Variants in APCDD1L observed in about 807,000 individuals in gnomAD.
APCDD1L encodes the protein protein APCDD1-like.
A neutral mutation model predicts 24.2 loss-of-function variants in APCDD1L; 21 were observed. The observed-to-expected ratio is 0.87, with a 90% CI of 0.61 to 1.25. The LOEUF (loss-of-function observed/expected upper bound fraction) is 1.25. Ranked by LOEUF, APCDD1L falls within the 50% of genes most tolerant of loss-of-function variation. The pLI is 0.00. For missense variants in APCDD1L, 704 were observed against 711.7 expected (o/e 0.99, Z 0.12); for synonymous variants, 321 against 323.6 (o/e 0.99, Z 0.09).
At chr20:58,481,295 G>A (rs1990019639) in intron 1 of APCDD1L, among the ~76,000 whole-genome samples, 1 of 152,216 alleles carries the variant, frequency 6.6e-6, no homozygotes, top group African/African-American at 2.4e-5. Context: ...TTGTTCTATA[G>A]AACAGGACTT....
rs555541133 is a variant in APCDD1L, at chr20:58,472,074, C to T, written c.50-1327G>A. ...AGCTGAGGGCCCCCCACTGCCCCCG[C>T]GGAGCTGCCTGACCCCAAACTCTCT... On this transcript the variant is annotated intron_variant, in intron 1 of 3. Transcript: ENST00000371149. Among the ~76,000 whole-genome samples the T allele has an allele frequency of 1.9e-3, 283 of 152,310 alleles. 4 individuals are homozygous for T. The highest frequency in any genetic ancestry group is 0.013 in the South Asian group (63 of 4,822).
chr20:58,510,782 C>T (rs1990612585), intron 1 of APCDD1L, among the ~76,000 whole-genome samples: 1 of 152,142 alleles, frequency 6.6e-6, no homozygotes, highest in Admixed American at 6.5e-5. Context: ...GGAGCCTGGA[C>T]CTGCATGGTG....
intron 1 of APCDD1L, among the ~76,000 whole-genome samples, chr20:58,511,910 A>G (rs2123200033): frequency 6.6e-6 from 1 of 152,330 alleles, no homozygotes; most frequent in East Asian, 1.9e-4. Context: ...GAAAAAAAAA[A>G]TACAAGTTCG....
rs143901670 is a variant in APCDD1L, at chr20:58,488,535, T to C, written c.50-17788A>G. On this transcript the variant is annotated intron_variant, in intron 1 of 3. Transcript: ENST00000371149. ...ATACAGGCTACAGTTCTGATTACAA[T>C]GCAAAGAAATTAAAAGCCAGTAATA... Among the ~76,000 whole-genome samples the C allele has an allele frequency of 1.3e-3, 204 of 152,330 alleles. 2 individuals carry two copies. The East Asian group carries it at 0.027, about 20-fold the overall frequency.
chr20:58,495,257 C>G (rs75010117), intron 1 of APCDD1L, among the ~76,000 whole-genome samples: 1 of 152,162 alleles, frequency 6.6e-6, no homozygotes, highest in Admixed American at 6.5e-5. Context: ...TGAAAATACA[C>G]GGCCCCTTGT....
At position 58,494,817 on chromosome 20, in the gene APCDD1L, G is replaced by A. The variant is rs781485599; in HGVS notation, c.49+19842C>T. Among the ~76,000 whole-genome samples the A allele has an allele frequency of 6.6e-5, 10 of 152,240 alleles. No individual in the cohort carries two copies. Among genetic ancestry groups the A allele is most frequent in the East Asian group, 5.8e-4 (3 of 5,180 alleles). Reference sequence around the variant, plus strand: ...TCCTGGCATTCTGCACCCACTGAGCGCCTGGCAGTCCCTTGGCCACACCCC... The same window carrying A: ...TCCTGGCATTCTGCACCCACTGAGCACCTGGCAGTCCCTTGGCCACACCCC... On this transcript the variant is annotated intron_variant, in intron 1 of 3. Coordinates refer to ENST00000371149, the MANE Select transcript of APCDD1L (RefSeq NM_153360.3). This position sits in a 1 kb window ranked among gnomAD's most constrained non-coding sequence, Gnocchi z 4.8.
At chr20:58,489,701 A>G (rs1002624710) in intron 1 of APCDD1L, among the ~76,000 whole-genome samples, 1 of 151,400 alleles carries the variant, frequency 6.6e-6, no homozygotes, top group African/African-American at 2.4e-5. Context: ...AAAAAAAAAG[A>G]AAAGAACAAA....
At chr20:58,468,565 T>C (rs1165995259) in intron 2 of APCDD1L, among the ~76,000 whole-genome samples, 5 of 152,150 alleles carry the variant, frequency 3.3e-5, no homozygotes, top group Non-Finnish European at 7.4e-5. Context: ...CTTGTACTGC[T>C]ATTTTCTTTC....
At chr20:58,514,068 G>T (rs62204202) in intron 1 of APCDD1L, 71,135 of 794,988 alleles carry the variant, frequency 0.089, 3,609 homozygotes, top group Middle Eastern at 0.11. Context: ...AGCCACCAGG[G>T]AACCCCTTAG....
chr20:58,501,906 TC>T (rs1158237828), intron 1 of APCDD1L, among the ~76,000 whole-genome samples: 1 of 152,218 alleles, frequency 6.6e-6, no homozygotes, highest in African/African-American at 2.4e-5. Context: ...TGACTTTCCT[TC>T]AGTTGGTTCC....
At chr20:58,470,865 A>T in intron 1 of APCDD1L, 118 bp from the exon 2 acceptor site, 1 of 1,380,006 alleles carries the variant, frequency 7.2e-7, no homozygotes, top group Non-Finnish European at 9.5e-7. Context: ...CGCAACCTCC[A>T]TCGCAGCCCC....
intron 3 of APCDD1L, among the ~76,000 whole-genome samples, chr20:58,463,257 G>A (rs978911784): frequency 6.6e-5 from 10 of 152,062 alleles, no homozygotes; most frequent in Non-Finnish European, 1.2e-4. Flanking sequence ...GTTCATTGTC[G>A]TGTTATTTGT....
At chr20:58,507,939 C>T (rs1990551995) in intron 1 of APCDD1L, among the ~76,000 whole-genome samples, 2 of 152,216 alleles carry the variant, frequency 1.3e-5, no homozygotes, top group African/African-American at 4.8e-5. Flanking sequence ...ATCAAAACCA[C>T]CAAGCATTGC....
chr20:58,471,891 G>A (rs567324842), intron 1 of APCDD1L, among the ~76,000 whole-genome samples: 12 of 152,304 alleles, frequency 7.9e-5, no homozygotes, highest in Non-Finnish European at 1.3e-4. Context: ...GTCAGGAGGG[G>A]CTGAGTCTTA....
chr20:58,487,464 G>A (rs538349271), intron 1 of APCDD1L, among the ~76,000 whole-genome samples: 24 of 149,706 alleles, frequency 1.6e-4, no homozygotes, highest in South Asian at 6.4e-4. Flanking sequence ...TAGTTTGTGG[G>A]AAATAAAACA....
rs140187713 is a variant in APCDD1L, at chr20:58,470,708, C to T, written c.89G>A (p.Cys30Tyr). Residue 30 changes from cysteine (C) to tyrosine (Y), a missense_variant, in exon 2 of 4, where the codon TGC becomes TAC. Physicochemically the swap from Cys to Tyr is radical, Grantham distance 194. Coordinates refer to ENST00000371149, the MANE Select transcript of APCDD1L (RefSeq NM_153360.3). ...CTGGCAGTGGGGTTCCCAGCGCAGGCAGCTGCCCCCGGCCTCCCCAGCCGC... is the reference window on the plus strand; with the variant it reads ...CTGGCAGTGGGGTTCCCAGCGCAGGTAGCTGCCCCCGGCCTCCCCAGCCGC... ...APAAGEAGGS[C>Y]LRWEPHCQQP... 387 of 1,546,350 alleles carry T rather than the reference C, an allele frequency of 2.5e-4. 1 individual carries two copies. In the African/African-American group the frequency reaches 4.9e-3, roughly 19 times the overall value.
chr20:58,480,302 C>T (rs188741890), intron 1 of APCDD1L, among the ~76,000 whole-genome samples: 1 of 152,196 alleles, frequency 6.6e-6, no homozygotes, highest in Non-Finnish European at 1.5e-5. Flanking sequence ...GAGTTGAAGG[C>T]TGCCCGAGAA....
chr20:58,460,676 T>C lies in APCDD1L; in HGVS notation c.*114A>G, dbSNP rs1029097175. 1.7e-5 allele frequency: 22 copies of C among 1,295,470 alleles called. No individual in the cohort carries two copies. Among genetic ancestry groups the C allele is most frequent in the Non-Finnish European group, 2.3e-5 (22 of 975,020 alleles). 80.2% of individuals were successfully genotyped at this position (1,295,470 alleles called of 1,614,324 possible). A position where few individuals can be genotyped will look rare whatever the true frequency, so the allele number is the denominator to read the frequency against. ...GCAGAGTTTGGAAGCAGTGGGGCTG[T>C]GCATCCATCCATGACAGAGCAGAGG... On this transcript the variant is annotated 3_prime_UTR_variant, in exon 4 of 4. Coordinates refer to ENST00000371149, the MANE Select transcript of APCDD1L (RefSeq NM_153360.3). This position sits in a 1 kb window ranked among gnomAD's most constrained non-coding sequence, Gnocchi z 4.2.
chr20:58,480,267 C>A (rs1989998982), intron 1 of APCDD1L, among the ~76,000 whole-genome samples: 1 of 152,188 alleles, frequency 6.6e-6, no homozygotes, highest in Non-Finnish European at 1.5e-5. Flanking sequence ...GTGGAATGTG[C>A]CCTCCTCTGC....
Sources: gnomAD v4.1 joint callset for allele counts (sites outside exome capture counted in the v4.1 genomes callset) on GRCh38, gnomAD v4.1.1 for gene constraint, Gnocchi (gnomAD v3.1) non-coding constraint, MANE v1.5 for transcripts, NCBI Gene and HGNC (gene_info 2026-07-23, HGNC 2026-07-21) for gene names.